Variants in CLVS1 observed in about 807,000 individuals in gnomAD.
The protein encoded by CLVS1 is clavesin 1.
A neutral mutation model predicts 33.1 loss-of-function variants in CLVS1; 10 were observed. That is an observed-to-expected ratio of 0.30 (90% CI 0.19 to 0.51). The LOEUF is 0.51. CLVS1 is among the 20% of genes least tolerant of loss of function. The pLI, the probability that CLVS1 is intolerant of heterozygous loss-of-function variation, is 0.97. For synonymous variants in CLVS1, 163 were observed against 166.1 expected (o/e 0.98, Z 0.14); for missense variants, 343 against 433.4 (o/e 0.79, Z 1.85).
intron 2 of CLVS1, among the ~76,000 whole-genome samples, chr8:61,168,403 T>G (rs1377695457): frequency 6.6e-6 from 1 of 152,240 alleles, no homozygotes; most frequent in Admixed American, 6.5e-5. Flanking sequence ...CTTGCTAGAC[T>G]TATGTAAATG....
intron 3 of CLVS1, among the ~76,000 whole-genome samples, chr8:61,383,211 C>A (rs142540705): frequency 3.3e-5 from 5 of 152,186 alleles, no homozygotes; most frequent in Admixed American, 2.0e-4. Flanking sequence ...GTCACCTGCC[C>A]ACGCAGTGAC....
intron 2 of CLVS1, chr8:61,202,862 A>T: frequency 1.0e-6 from 1 of 956,438 alleles, no homozygotes; most frequent in Non-Finnish European, 1.6e-6. Context: ...GAAGAAGATG[A>T]TGATGATGAA....
chr8:61,384,778 G>GA (rs1199566126), intron 3 of CLVS1, among the ~76,000 whole-genome samples: 4 of 152,094 alleles, frequency 2.6e-5, no homozygotes, highest in Non-Finnish European at 4.4e-5. Flanking sequence ...AGACCATTCA[G>GA]AAAAAACCTA....
At chr8:61,164,605 AGG>A (rs1806819264) in intron 2 of CLVS1, among the ~76,000 whole-genome samples, 1 of 152,106 alleles carries the variant, frequency 6.6e-6, no homozygotes, top group Non-Finnish European at 1.5e-5. Flanking sequence ...CCCCCCGCCC[AGG>A]CTACATGAAT....
chr8:61,231,930 C>T lies in CLVS1; in HGVS notation c.-151-67747C>T, dbSNP rs112934735. Reference sequence around the variant, plus strand: ...GATGTTGGGGAGGTGGGCACAGTGCCCTCTATGCATGTATTTTGCTGAAGT... The same window carrying T: ...GATGTTGGGGAGGTGGGCACAGTGCTCTCTATGCATGTATTTTGCTGAAGT... On this transcript the variant is annotated intron_variant, in intron 2 of 2. Coordinates refer to the CLVS1 transcript ENST00000522621. Among the ~76,000 whole-genome samples, 1,515 of 151,880 alleles carry T rather than the reference C, an allele frequency of 1.0e-2. 35 individuals are homozygous for T. Among genetic ancestry groups the T allele is most frequent in the African/African-American group, 0.034 (1,405 of 41,386 alleles).
rs562602372 is a variant in CLVS1 at position 61,426,446 on chromosome 8, C to T, written c.631-27695C>T. Among the ~76,000 whole-genome samples, 4 of 152,286 alleles carry T rather than the reference C, an allele frequency of 2.6e-5. No individual in the cohort carries two copies. The East Asian group carries it at 7.7e-4, about 29-fold the overall frequency. ...TGTCAGATGTTTCTGTGTCTCTGCC[C>T]CATCCCAACACTGTCACCTCGTAGT... On this transcript the variant is annotated intron_variant, in intron 3 of 5. Coordinates refer to ENST00000325897, the MANE Select transcript of CLVS1 (RefSeq NM_173519.3).
At chr8:61,213,788 G>A (rs1260734611) in intron 2 of CLVS1, among the ~76,000 whole-genome samples, 1 of 152,144 alleles carries the variant, frequency 6.6e-6, no homozygotes, top group Non-Finnish European at 1.5e-5. Flanking sequence ...AAAAGAACAG[G>A]ATAACAGCAA....
intron 2 of CLVS1, among the ~76,000 whole-genome samples, chr8:61,156,681 A>G (rs1806656995): frequency 6.6e-6 from 1 of 152,224 alleles, no homozygotes; most frequent in East Asian, 1.9e-4. Flanking sequence ...AAAATTTTTA[A>G]ACAAACCTTC....
At chr8:61,233,839 C>T (rs150243913) in intron 2 of CLVS1, among the ~76,000 whole-genome samples, 362 of 152,368 alleles carry the variant, frequency 2.4e-3, no homozygotes, top group Non-Finnish European at 2.9e-3. Context: ...TGAATCAGCA[C>T]GTGGGCTGCA....
chr8:61,294,427 C>T (rs1361771085), intron 1 of CLVS1, among the ~76,000 whole-genome samples: 1 of 152,092 alleles, frequency 6.6e-6, no homozygotes, highest in Non-Finnish European at 1.5e-5. Context: ...TTAAAACAAG[C>T]TCATTATCTG....
At chr8:61,016,011 A>G in the CLVS1 span, among the ~76,000 whole-genome samples, 3 of 152,230 alleles carry the variant, frequency 2.0e-5, no homozygotes, top group Admixed American at 2.0e-4. Context: ...CAAATCTGAA[A>G]TGCTCCAAAA....
intron 2 of CLVS1, among the ~76,000 whole-genome samples, chr8:61,237,694 A>T (rs1390219396): frequency 6.6e-6 from 1 of 152,168 alleles, no homozygotes; most frequent in Non-Finnish European, 1.5e-5. Context: ...GTTTGATGGG[A>T]TGCTACAGAG....
chr8:61,357,416 A>ATTTTT (rs1222406044), intron 2 of CLVS1, among the ~76,000 whole-genome samples: 1 of 148,136 alleles, frequency 6.8e-6, no homozygotes, highest in African/African-American at 2.5e-5. Flanking sequence ...AATGGTAAGT[A>ATTTTT]TATCACTGCA....
chr8:61,021,825 C>T, the CLVS1 span, among the ~76,000 whole-genome samples: 1 of 152,072 alleles, frequency 6.6e-6, no homozygotes, highest in African/African-American at 2.4e-5. Context: ...CCCTGTCACC[C>T]AAGTAGTGAG....
intron 2 of CLVS1, among the ~76,000 whole-genome samples, chr8:61,132,596 G>T (rs1806121009): frequency 6.6e-6 from 1 of 152,242 alleles, no homozygotes; most frequent in Non-Finnish European, 1.5e-5. Context: ...AGCATCTGAT[G>T]GCATTTCCCC....
At chr8:61,401,406 T>A (rs993119253) in intron 3 of CLVS1, among the ~76,000 whole-genome samples, 1 of 152,118 alleles carries the variant, frequency 6.6e-6, no homozygotes, top group African/African-American at 2.4e-5. Context: ...GTTGTGGGGT[T>A]TTCATAGATG....
At chr8:61,150,749 C>T (rs1806514496) in intron 2 of CLVS1, among the ~76,000 whole-genome samples, 1 of 152,202 alleles carries the variant, frequency 6.6e-6, no homozygotes, top group Admixed American at 6.5e-5. Context: ...TCTGTGGTTT[C>T]ACTTGAAGCT....
chr8:61,464,256 C>T (rs769076096), intron 5 of CLVS1, among the ~76,000 whole-genome samples: 4 of 152,126 alleles, frequency 2.6e-5, no homozygotes, highest in East Asian at 1.9e-4. Context: ...AGGGCAATGA[C>T]GTGAAGCACA....
intron 1 of CLVS1, among the ~76,000 whole-genome samples, chr8:61,090,059 C>A (rs186440861): frequency 6.6e-6 from 1 of 152,208 alleles, no homozygotes; most frequent in Admixed American, 6.5e-5. Flanking sequence ...CCCCTCCTTT[C>A]TTTGATTATT....
Sources: allele counts gnomAD v4.1 joint callset (sites outside exome capture counted in the v4.1 genomes callset), GRCh38; gene constraint gnomAD v4.1.1; transcripts MANE v1.5; gene names NCBI Gene and HGNC (gene_info 2026-07-23, HGNC 2026-07-21).